Variants in DDX10 observed in about 807,000 individuals in gnomAD.
DDX10 encodes probable ATP-dependent RNA helicase DDX10.
A neutral mutation model predicts 104.3 loss-of-function variants in DDX10; 74 were observed. That is an observed-to-expected ratio of 0.71 (90% CI 0.59 to 0.86). DDX10 has a LOEUF of 0.86. Among genes scored for constraint, DDX10 ranks in the 40% least tolerant of loss-of-function variants. The pLI is 0.00. For synonymous variants in DDX10, 351 were observed against 353.4 expected (o/e 0.99, Z 0.08); for missense variants, 952 against 1,040.0 (o/e 0.92, Z 1.16).
rs565394708 is a variant in DDX10 at position 108,890,627 on chromosome 11, C to T, written c.2305-27246C>T. 6.6e-5 allele frequency among the ~76,000 whole-genome samples: 10 copies of T among 151,630 alleles called. No homozygotes were observed. The South Asian group carries it at 2.1e-3, about 32-fold the overall frequency. On this transcript the variant is annotated intron_variant, in intron 16 of 17. Coordinates refer to ENST00000322536, the MANE Select transcript of DDX10 (RefSeq NM_004398.4). ...GGTAGGTTCAGAAACCCGTGGAGAG[C>T]TCCTCATTCATTAAACTACTTTTTT... is the stretch of plus-strand genomic sequence containing the variant.
chr11:108,810,491 G>T (rs1393972435), intron 13 of DDX10, among the ~76,000 whole-genome samples: 1 of 152,194 alleles, frequency 6.6e-6, no homozygotes, highest in East Asian at 1.9e-4. Context: ...GGGTGTGTGT[G>T]TGTGAGAGAG....
intron 13 of DDX10, among the ~76,000 whole-genome samples, chr11:108,728,015 G>C (rs1441750669): frequency 6.6e-6 from 1 of 151,172 alleles, no homozygotes; most frequent in Non-Finnish European, 1.5e-5. Context: ...ATTTTATTAA[G>C]TTGGGGGAAA....
chr11:108,792,275 TC>T (rs1276779731), intron 13 of DDX10, among the ~76,000 whole-genome samples: 1 of 152,192 alleles, frequency 6.6e-6, no homozygotes, highest in Non-Finnish European at 1.5e-5. Context: ...TTGATGGAAA[TC>T]CAGTTTATCA....
At chr11:108,874,980 A>G (rs929894571) in intron 16 of DDX10, among the ~76,000 whole-genome samples, 1 of 152,186 alleles carries the variant, frequency 6.6e-6, no homozygotes, top group Non-Finnish European at 1.5e-5. Flanking sequence ...GAAGGTAAAA[A>G]TAGTACCTAT....
intron 16 of DDX10, among the ~76,000 whole-genome samples, chr11:108,908,346 A>T (rs566574311): frequency 2.6e-5 from 4 of 152,338 alleles, no homozygotes; most frequent in African/African-American, 9.6e-5. Flanking sequence ...TAATCTTTAC[A>T]TTCCTTGTCG....
At chr11:108,730,557 T>C (rs1286723172) in intron 13 of DDX10, among the ~76,000 whole-genome samples, 1 of 152,220 alleles carries the variant, frequency 6.6e-6, no homozygotes, top group East Asian at 1.9e-4. Context: ...TTTTGTTTGC[T>C]GTGAGTTATA....
At chr11:108,785,500 G>C (rs1223816460) in intron 13 of DDX10, among the ~76,000 whole-genome samples, 1 of 152,040 alleles carries the variant, frequency 6.6e-6, no homozygotes, top group African/African-American at 2.4e-5. Flanking sequence ...TGATTTTCTT[G>C]GAATAGATTC....
chr11:108,913,426 A>G (rs1053480178), intron 16 of DDX10, among the ~76,000 whole-genome samples: 1 of 152,300 alleles, frequency 6.6e-6, no homozygotes. Context: ...AGTCTGGCTT[A>G]GTGAAACAAT....
chr11:108,789,824 A>G (rs1861846405), intron 13 of DDX10, among the ~76,000 whole-genome samples: 1 of 152,212 alleles, frequency 6.6e-6, no homozygotes, highest in Non-Finnish European at 1.5e-5. Context: ...TTAACTCAAT[A>G]ACATTGTCAA....
intron 16 of DDX10, among the ~76,000 whole-genome samples, chr11:108,874,043 T>A (rs1863117533): frequency 6.6e-6 from 1 of 152,178 alleles, no homozygotes; most frequent in South Asian, 2.1e-4. Context: ...TCTGCAAGAT[T>A]GCCGTGAGTC....
At chr11:108,725,830 T>G (rs2094304739) in intron 13 of DDX10, among the ~76,000 whole-genome samples, 1 of 152,046 alleles carries the variant, frequency 6.6e-6, no homozygotes, top group Non-Finnish European at 1.5e-5. Context: ...TTTATATATG[T>G]GTCGTATCTG....
chr11:108,711,304 T>C (rs1565254679), intron 10 of DDX10, among the ~76,000 whole-genome samples: 1 of 152,230 alleles, frequency 6.6e-6, no homozygotes, highest in Non-Finnish European at 1.5e-5. Context: ...AATCTCCATG[T>C]ATTTTAGAAT....
At position 108,754,680 on chromosome 11, in the gene DDX10, A is replaced by T. The variant is rs11212776; in HGVS notation, c.1965+31218A>T. Among the ~76,000 whole-genome samples, 218 of 152,154 alleles carry T rather than the reference A, an allele frequency of 1.4e-3. 7 individuals carry two copies. The East Asian group carries it at 0.04, about 28-fold the overall frequency. The stretch of plus-strand genomic sequence containing the variant: ...ATATGAGAGGAAGAATGGTAATTCA[A>T]GACACACTGTACATCTAGAATCTAT... On this transcript the variant is annotated intron_variant, in intron 13 of 17. Transcript: ENST00000322536.
intron 16 of DDX10, among the ~76,000 whole-genome samples, chr11:108,915,707 A>G (rs1445454935): frequency 1.3e-5 from 2 of 152,182 alleles, no homozygotes; most frequent in African/African-American, 4.8e-5. Flanking sequence ...CAGTTTTCAT[A>G]TGACAACTAG....
chr11:108,871,233 T>C (rs571734777), intron 16 of DDX10, among the ~76,000 whole-genome samples: 1 of 152,236 alleles, frequency 6.6e-6, no homozygotes, highest in African/African-American at 2.4e-5. Flanking sequence ...CATACAAGCA[T>C]GACACTTAGG....
At chr11:108,719,908 T>C in intron 12 of DDX10, 23 bp downstream of exon 12, 2 of 1,284,228 alleles carry the variant, frequency 1.6e-6, no homozygotes, top group African/African-American at 1.5e-5. Context: ...AATATAGTTG[T>C]AATAGTGAAT....
intron 1 of DDX10, among the ~76,000 whole-genome samples, chr11:108,668,900 CCTT>C (rs2094213529): frequency 6.6e-6 from 1 of 152,036 alleles, no homozygotes; most frequent in East Asian, 1.9e-4. Context: ...ATACTGAGCT[CCTT>C]CTGGTCAGAT....
chr11:108,764,326 C>A (rs2094354030), intron 13 of DDX10, among the ~76,000 whole-genome samples: 2 of 152,170 alleles, frequency 1.3e-5, no homozygotes, highest in African/African-American at 4.8e-5. Flanking sequence ...GGAATAGCAT[C>A]TTGAGGTTAT....
At chr11:108,890,073 T>C (rs985740287) in intron 16 of DDX10, among the ~76,000 whole-genome samples, 9 of 152,194 alleles carry the variant, frequency 5.9e-5, no homozygotes, top group African/African-American at 1.7e-4. Context: ...GTATTTGTTA[T>C]GGTATAGATG....
Sources: allele counts gnomAD v4.1 joint callset (sites outside exome capture counted in the v4.1 genomes callset), GRCh38; gene constraint gnomAD v4.1.1; transcripts MANE v1.5; gene names NCBI Gene and HGNC (gene_info 2026-07-23, HGNC 2026-07-21).